The following PLEKHA8 variants were observed in gnomAD, a reference collection of about 807,000 sequenced individuals.
The protein encoded by PLEKHA8 is pleckstrin homology domain containing A8.
PLEKHA8 carries 36 observed loss-of-function variants against 68.2 expected under a neutral mutation model. That is an observed-to-expected ratio of 0.53 (90% CI 0.40 to 0.70). PLEKHA8 has a LOEUF of 0.70. PLEKHA8 is among the 30% of genes least tolerant of loss of function. The pLI is 0.00. For missense variants in PLEKHA8, 505 were observed against 615.4 expected (o/e 0.82, Z 1.90); for synonymous variants, 211 against 216.1 (o/e 0.98, Z 0.20).
chr7:30,045,392 C>T (rs568389955), intron 2 of PLEKHA8, among the ~76,000 whole-genome samples, 191 bp downstream of exon 2: 1 of 152,276 alleles, frequency 6.6e-6, no homozygotes, highest in South Asian at 2.1e-4. Flanking sequence ...AGGAGATTGG[C>T]TAAGAGGTGG....
chr7:30,125,924 A>AT (rs1395816677), intron 13 of PLEKHA8, among the ~76,000 whole-genome samples: 3 of 151,730 alleles, frequency 2.0e-5, no homozygotes, highest in African/African-American at 7.3e-5. Context: ...TTTTTATTTT[A>AT]TTTTTTGGAA....
chr7:30,090,188 C>T (rs752103875), exon 13 of PLEKHA8: 21 of 1,549,798 alleles, frequency 1.4e-5, no homozygotes, highest in Non-Finnish European at 1.8e-5. Flanking sequence ...CCAAAACATA[C>T]CCTGATGAAG....
chr7:30,036,317 CAGAT>C (rs778251007), intron 1 of PLEKHA8, among the ~76,000 whole-genome samples: 12 of 151,718 alleles, frequency 7.9e-5, no homozygotes, highest in Admixed American at 2.0e-4. Flanking sequence ...GACTGTGTCT[CAGAT>C]AGATAGATGG....
chr7:30,116,302 GTA>G (rs1796558624), intron 13 of PLEKHA8, among the ~76,000 whole-genome samples: 1 of 150,976 alleles, frequency 6.6e-6, no homozygotes, highest in Admixed American at 6.6e-5. Flanking sequence ...ATTCATACAT[GTA>G]TACATATATA....
chr7:30,106,117 G>A (rs1016799808), intron 13 of PLEKHA8, among the ~76,000 whole-genome samples: 6 of 150,508 alleles, frequency 4.0e-5, no homozygotes, highest in African/African-American at 1.5e-4. Context: ...GGAGTGCAGT[G>A]GCACGATCTT....
chr7:30,109,947 C>T (rs960657885), intron 13 of PLEKHA8, among the ~76,000 whole-genome samples: 7 of 152,138 alleles, frequency 4.6e-5, no homozygotes, highest in African/African-American at 1.7e-4. Context: ...TAACTTTTTC[C>T]TGTTTTAGGA....
intron 10 of PLEKHA8, among the ~76,000 whole-genome samples, chr7:30,061,339 A>G (rs1481913845): frequency 6.6e-6 from 1 of 152,232 alleles, no homozygotes; most frequent in African/African-American, 2.4e-5. Context: ...CAAAAGGCCC[A>G]TTTCCAGTGG....
chr7:30,098,816 A>G (rs564948252), intron 13 of PLEKHA8, among the ~76,000 whole-genome samples: 1 of 152,368 alleles, frequency 6.6e-6, no homozygotes, highest in African/African-American at 2.4e-5. Flanking sequence ...TGGCTCACGC[A>G]TGGTGCGCTG....
In PLEKHA8 at chr7:30,056,308, C is replaced by CTATA. The variant is rs1231941889; in HGVS notation, c.1039+967_1039+968insATAT. 1.6e-3 allele frequency among the ~76,000 whole-genome samples: 137 copies of CTATA among 83,204 alleles called. 1 individual carries two copies. Among genetic ancestry groups the CTATA allele is most frequent in the East Asian group, 0.015 (32 of 2,098 alleles). 54.6% of individuals were successfully genotyped at this position (83,204 alleles called of 152,430 possible). On this transcript the variant is annotated intron_variant, in intron 9 of 13. Transcript: ENST00000449726. ...TCTCTCTCTCTCTCTCTCTCTCTCTCTCTCTATATATATATATATATATAA... is the reference window on the plus strand; with the variant it reads ...TCTCTCTCTCTCTCTCTCTCTCTCTCTATATCTCTATATATATATATATATATAA...
chr7:30,065,171 G>A (rs1370248105), intron 12 of PLEKHA8, among the ~76,000 whole-genome samples: 1 of 152,162 alleles, frequency 6.6e-6, no homozygotes, highest in Non-Finnish European at 1.5e-5. Flanking sequence ...CTTTGTGACT[G>A]CAATAATCAC....
At chr7:30,115,730 ACGTATACATGTATACATACG>A (rs1796444683) in intron 13 of PLEKHA8, 1 of 119,960 alleles carries the variant, frequency 8.3e-6, no homozygotes, top group African/African-American at 3.0e-5. Context: ...GCATGCATAC[ACGTATACATGTATACATACG>A]TGCACATACA....
rs1297939342 is a variant in PLEKHA8 at position 30,118,634 on chromosome 7, GT to G, written c.1363-10631del. On this transcript the variant is annotated intron_variant, in intron 13 of 13. Coordinates refer to the PLEKHA8 transcript ENST00000396257. The stretch of plus-strand genomic sequence containing the variant: ...GCTCTGTCGCCCAGGCTGGAGTGCA[GT>G]GGCGCGATCTCGGCTCACTGCAAGC... Among the ~76,000 whole-genome samples, 3 of 150,876 alleles carry G rather than the reference GT, an allele frequency of 2.0e-5. No homozygotes were observed. In the East Asian group the frequency reaches 5.9e-4, roughly 30 times the overall value.
chr7:30,105,311 TAA>T (rs59891172), intron 13 of PLEKHA8, among the ~76,000 whole-genome samples: 647 of 53,698 alleles, frequency 0.012, 4 homozygotes, highest in African/African-American at 0.037. Context: ...TCTCTATAAT[TAA>T]AAAAAAAAAA....
intron 12 of PLEKHA8, among the ~76,000 whole-genome samples, chr7:30,071,566 A>T (rs1794241914): frequency 6.6e-6 from 1 of 152,216 alleles, no homozygotes; most frequent in Admixed American, 6.5e-5. Context: ...ATGATTGTTA[A>T]ATGACTGGCT....
Position 30,061,987 on chromosome 7 carries a change from G to T in PLEKHA8, c.1189G>T (p.Val397Phe), listed in dbSNP as rs773840114. 2.5e-6 allele frequency: 4 copies of T among 1,613,878 alleles called. No individual in the cohort carries two copies. Among genetic ancestry groups the T allele is most frequent in the East Asian group, 2.2e-5 (1 of 44,876 alleles). ...CGAAGTGGAGGCGGATGTAGCCCAG[G>T]TTAGGAACTCAGCGACTGAAGCCCT... ...LHEVEADVAQ[V>F]RNSATEALLW... The change falls in exon 11 of 14, where the codon GTT (valine) becomes TTT (phenylalanine). Residue 397 changes from valine to phenylalanine, a missense_variant. Coordinates refer to ENST00000449726, the MANE Select transcript of PLEKHA8 (RefSeq NM_001197026.2).
In PLEKHA8 at chr7:30,082,307, C is replaced by T; in HGVS notation, c.*3520C>T. On this transcript the variant is annotated 3_prime_UTR_variant, in exon 14 of 14. Transcript: ENST00000449726. ...TGAAAATTGCCAGCAGTACCGCCATCAGCACACCAAATCTACCCCCACTTA... is the reference window on the plus strand; with the variant it reads ...TGAAAATTGCCAGCAGTACCGCCATTAGCACACCAAATCTACCCCCACTTA... 2.0e-6 allele frequency: 2 copies of T among 985,408 alleles called. No individual in the cohort carries two copies. Among genetic ancestry groups the T allele is most frequent in the Non-Finnish European group, 2.4e-6 (2 of 830,004 alleles). 61.0% of individuals were successfully genotyped at this position (985,408 alleles called of 1,614,324 possible).
chr7:30,115,940 G>T (rs531195529), intron 13 of PLEKHA8: 5 of 118,736 alleles, frequency 4.2e-5, no homozygotes. Flanking sequence ...ATGTATACAT[G>T]CACACATACG....
At chr7:30,106,252 G>A (rs949947834) in intron 13 of PLEKHA8, among the ~76,000 whole-genome samples, 2 of 151,604 alleles carry the variant, frequency 1.3e-5, no homozygotes, top group Non-Finnish European at 2.9e-5. Flanking sequence ...TAGTAGAGAC[G>A]GGGTTTCACC....
chr7:30,115,984 G>GCA (rs1796503858), intron 13 of PLEKHA8: 1 of 136,370 alleles, frequency 7.3e-6, no homozygotes, highest in Non-Finnish European at 1.6e-5. Flanking sequence ...ATGCATGCAT[G>GCA]TATGCATACG....
Sources: gnomAD v4.1 joint callset for allele counts (sites outside exome capture counted in the v4.1 genomes callset) on GRCh38, gnomAD v4.1.1 for gene constraint, MANE v1.5 for transcripts, NCBI Gene and HGNC (gene_info 2026-07-23, HGNC 2026-07-21) for gene names.